The following DDX59 variants were observed in gnomAD, a reference collection of about 807,000 sequenced individuals.
The protein encoded by DDX59 is DEAD-box helicase 59.
A neutral mutation model predicts 51.9 loss-of-function variants in DDX59; 30 were observed. The ratio of observed to expected loss-of-function variants is 0.58; its 90% confidence interval spans 0.43 to 0.78. DDX59 has a LOEUF of 0.78. DDX59 is among the 30% of genes least tolerant of loss of function. DDX59 has a pLI of 0.00. For missense variants in DDX59, 672 were observed against 730.8 expected (o/e 0.92, Z 0.93); for synonymous variants, 255 against 253.3 (o/e 1.01, Z -0.06).
At chr1:200,662,711 G>A (rs906454662) in intron 3 of DDX59, among the ~76,000 whole-genome samples, 4 of 152,190 alleles carry the variant, frequency 2.6e-5, no homozygotes, top group African/African-American at 9.7e-5. Flanking sequence ...AAAGCTGTTA[G>A]AAGTTTGCAG....
chr1:200,668,920 C>T (rs73077036), intron 1 of DDX59, among the ~76,000 whole-genome samples: 18,033 of 152,074 alleles, frequency 0.12, 1,560 homozygotes, highest in East Asian at 0.42. Flanking sequence ...GATTGAGTTG[C>T]CCCGCCTTTC....
intron 4 of DDX59, among the ~76,000 whole-genome samples, chr1:200,656,005 T>C (rs1661998921): frequency 6.6e-6 from 1 of 152,158 alleles, no homozygotes; most frequent in South Asian, 2.1e-4. Flanking sequence ...TAATTTTGTA[T>C]TTTTAGTAAA....
At chr1:200,669,364 G>C (rs894780099) in intron 1 of DDX59, 4 of 152,132 alleles carry the variant, frequency 2.6e-5, no homozygotes, top group Non-Finnish European at 5.9e-5. Context: ...TGGCGGGCGG[G>C]GCAGGGACGG....
chr1:200,654,033 T>C (rs1661841099), intron 4 of DDX59, among the ~76,000 whole-genome samples: 1 of 152,178 alleles, frequency 6.6e-6, no homozygotes, highest in East Asian at 1.9e-4. Flanking sequence ...TGTAAATAAA[T>C]GAACACTAAT....
chr1:200,648,242 G>T (rs930336470), intron 7 of DDX59, among the ~76,000 whole-genome samples, 197 bp downstream of exon 7: 2 of 151,988 alleles, frequency 1.3e-5, no homozygotes. Context: ...TGGCCAGGTT[G>T]GTCTGTGAAC....
intron 6 of DDX59, 53 bp downstream of exon 6, chr1:200,649,021 A>G: frequency 6.8e-7 from 1 of 1,464,860 alleles, no homozygotes; most frequent in Non-Finnish European, 9.0e-7. Context: ...TCTCTTGAAA[A>G]TGAGGCAGAA....
intron 4 of DDX59, among the ~76,000 whole-genome samples, chr1:200,652,204 G>A (rs866373583): frequency 6.6e-6 from 1 of 151,824 alleles, no homozygotes; most frequent in Non-Finnish European, 1.5e-5. Context: ...ACAGGCTGTA[G>A]TGTAGTGGCA....
At chr1:200,644,891 A>AT (rs1661198460) in intron 7 of DDX59, among the ~76,000 whole-genome samples, 1 of 84,694 alleles carries the variant, frequency 1.2e-5, no homozygotes, top group Non-Finnish European at 2.4e-5. Context: ...AAAAGACTCC[A>AT]TCTCAAAAAA....
At chr1:200,661,864 G>A (rs749530490) in intron 3 of DDX59, among the ~76,000 whole-genome samples, 6 of 152,208 alleles carry the variant, frequency 3.9e-5, no homozygotes, top group Non-Finnish European at 8.8e-5. Flanking sequence ...AATGTTGGAG[G>A]TGGGATCTGG....
At chr1:200,649,844 T>A (rs1048935950) in intron 5 of DDX59, among the ~76,000 whole-genome samples, 1 of 134,162 alleles carries the variant, frequency 7.5e-6, no homozygotes, top group Admixed American at 7.4e-5. Context: ...AACTTAATAC[T>A]TTTTTTTTTT....
chr1:200,651,304 C>T (rs1462887469), intron 4 of DDX59, among the ~76,000 whole-genome samples: 1 of 151,976 alleles, frequency 6.6e-6, no homozygotes, highest in African/African-American at 2.4e-5. Context: ...TGGTGATCCC[C>T]CCTAAATTCA....
At position 200,659,930 on chromosome 1, in the gene DDX59, C is replaced by T. The variant is rs190228008; in HGVS notation, c.973-814G>A. 7.2e-4 allele frequency among the ~76,000 whole-genome samples: 109 copies of T among 152,256 alleles called. 1 individual carries two copies. The highest frequency in any genetic ancestry group is 5.7e-3 in the Admixed American group (87 of 15,290). Reference sequence around the variant, plus strand: ...AACTCCTGGGCTCAAGTAATCCTCCCGCCTTGGCCTCCCAAAGTGCTGGGA... The same window carrying T: ...AACTCCTGGGCTCAAGTAATCCTCCTGCCTTGGCCTCCCAAAGTGCTGGGA... On this transcript the variant is annotated intron_variant, in intron 3 of 7. Transcript: ENST00000331314.
At chr1:200,642,305 T>C (rs1661071914), downstream of DDX59, among the ~76,000 whole-genome samples, 1 of 152,176 alleles carries the variant, frequency 6.6e-6, no homozygotes, top group African/African-American at 2.4e-5. Flanking sequence ...TTATTTAAAA[T>C]TTTATAATAT....
At chr1:200,665,775 A>G (rs531168090) in intron 2 of DDX59, among the ~76,000 whole-genome samples, 162 bp downstream of exon 2, 1 of 152,264 alleles carries the variant, frequency 6.6e-6, no homozygotes, top group South Asian at 2.1e-4. Context: ...TTATGTTTTC[A>G]TACAAACTAC....
Position 200,666,433 on chromosome 1 carries a change from G to A in DDX59, c.308C>T (p.Pro103Leu). Residue 103 changes from proline (P) to leucine (L), a missense_variant, in exon 2 of 8, where the codon CCA (proline) becomes CTA (leucine). Coordinates refer to ENST00000331314, the MANE Select transcript of DDX59 (RefSeq NM_001031725.6). ...SFSKTQRWAE[P>L]GEPICVVCGR... ...ACAGACAACACAGATGGGTTCCCCT[G>A]GTTCTGCCCAGCGCTGTGTTTTGGA... 2 of 1,614,120 alleles carry A rather than the reference G, an allele frequency of 1.2e-6. No homozygotes were observed. Among genetic ancestry groups the A allele is most frequent in the Non-Finnish European group, 1.7e-6 (2 of 1,180,002 alleles).
Position 200,666,053 on chromosome 1 carries a change from G to C in DDX59, c.688C>G (p.Gln230Glu). The change falls in exon 2 of 8, where the codon CAA (glutamine) becomes GAA (glutamate). Residue 230 changes from glutamine (Q) to glutamate (E), a missense_variant. By Grantham distance (29) the Gln-to-Glu change is conservative. Coordinates refer to ENST00000331314, the MANE Select transcript of DDX59 (RefSeq NM_001031725.6). ...KSGYEVPTPI[Q>E]MQMIPVGLLG... ...AGTCCCACAGGAATCATCTGCATTT[G>C]AATGGGAGTTGGCACCTCATAGCCT... The C allele has an allele frequency of 6.2e-7, 1 of 1,614,208 alleles. No individual in the cohort carries two copies. Among genetic ancestry groups the C allele is most frequent in the Non-Finnish European group, 8.5e-7 (1 of 1,180,040 alleles).
Position 200,659,091 on chromosome 1 carries a change from A to T in DDX59, c.998T>A (p.Leu333His). Residue 333 changes from leucine (L) to histidine (H), a missense_variant, in exon 4 of 8, where the codon CTT becomes CAT. By Grantham distance (99) the Leu-to-His change is moderately conservative (BLOSUM62 -3). Coordinates refer to ENST00000331314, the MANE Select transcript of DDX59 (RefSeq NM_001031725.6). ...VKVIIATPGRLLDIIKQSSVE... is the reference protein window; with the variant it reads ...VKVIIATPGRHLDIIKQSSVE... ...AGAGCTCTGCTTTATTATATCCAGAAGTCGCCCAGGGGTTGCTATGATAAC... is the reference window on the plus strand; with the variant it reads ...AGAGCTCTGCTTTATTATATCCAGATGTCGCCCAGGGGTTGCTATGATAAC... The T allele has an allele frequency of 6.2e-7, 1 of 1,613,750 alleles. No individual in the cohort carries two copies. The highest frequency in any genetic ancestry group is 8.5e-7 in the Non-Finnish European group (1 of 1,179,834).
Position 200,666,754 on chromosome 1 carries a change from G to A in DDX59, c.-11-3C>T, listed in dbSNP as rs757983516. 7 of 1,593,238 alleles carry A rather than the reference G, an allele frequency of 4.4e-6. No individual in the cohort carries two copies. In the African/African-American group the frequency reaches 9.5e-5, roughly 22 times the overall value. On this transcript the variant is annotated splice_region_variant and splice_polypyrimidine_tract_variant and intron_variant, in intron 1 of 7. Coordinates refer to ENST00000331314, the MANE Select transcript of DDX59 (RefSeq NM_001031725.6). ...TGGAACAAACATCCTTCAATATTCT[G>A]TTAAGGAAATTATATAATGAGATTT...
At chr1:200,645,543 C>T (rs1661243480) in intron 7 of DDX59, among the ~76,000 whole-genome samples, 1 of 152,128 alleles carries the variant, frequency 6.6e-6, no homozygotes, top group South Asian at 2.1e-4. Context: ...TCCCAAAGTG[C>T]TAGGATTACA....
Sources: gnomAD v4.1 joint callset for allele counts (sites outside exome capture counted in the v4.1 genomes callset) on GRCh38, gnomAD v4.1.1 for gene constraint, MANE v1.5 for transcripts, NCBI Gene and HGNC (gene_info 2026-07-23, HGNC 2026-07-21) for gene names.